Variants in CNTN4 observed in about 807,000 individuals in gnomAD.
CNTN4 encodes the protein contactin 4, also known as contactin-4.
Under a neutral mutation model 122.5 loss-of-function variants are expected in CNTN4, and 77 were observed. The ratio of observed to expected loss-of-function variants is 0.63; its 90% CI spans 0.52 to 0.76. The LOEUF is 0.76. Among genes scored for constraint, CNTN4 ranks in the 30% least tolerant of loss-of-function variants. CNTN4 has a pLI of 0.00. For missense variants in CNTN4, 1,256 were observed against 1,259.1 expected (o/e 1.00, Z 0.04); for synonymous variants, 512 against 447.0 (o/e 1.15, Z -1.83).
intron 2 of CNTN4, among the ~76,000 whole-genome samples, chr3:2,298,797 T>C (rs550742731): frequency 2.6e-5 from 4 of 151,984 alleles, no homozygotes; most frequent in South Asian, 4.2e-4. Flanking sequence ...GGAATGAGTA[T>C]TGTTTTAAAA....
At chr3:2,542,074 G>A (rs2078052393) in intron 3 of CNTN4, among the ~76,000 whole-genome samples, 1 of 152,098 alleles carries the variant, frequency 6.6e-6, no homozygotes, top group Non-Finnish European at 1.5e-5. Context: ...CTTTGGGTCA[G>A]TAGCACAGTG....
At chr3:2,788,310 C>T (rs2091904225) in intron 6 of CNTN4, among the ~76,000 whole-genome samples, 1 of 152,132 alleles carries the variant, frequency 6.6e-6, no homozygotes, top group African/African-American at 2.4e-5. Context: ...TTCCATTTTG[C>T]AGACACCCAC....
intron 2 of CNTN4, among the ~76,000 whole-genome samples, chr3:2,187,661 A>G (rs781725146): frequency 6.6e-6 from 1 of 152,186 alleles, no homozygotes; most frequent in Non-Finnish European, 1.5e-5. Context: ...TATCGACTAC[A>G]TGCAGAGATG....
intron 7 of CNTN4, among the ~76,000 whole-genome samples, chr3:2,840,453 C>T (rs1158582287): frequency 6.6e-6 from 1 of 150,758 alleles, no homozygotes; most frequent in Non-Finnish European, 1.5e-5. Context: ...GTCATCCCAG[C>T]ACTTTGGGAG....
chr3:2,512,069 G>A (rs939761842), intron 3 of CNTN4, among the ~76,000 whole-genome samples: 13 of 152,076 alleles, frequency 8.5e-5, no homozygotes, highest in Non-Finnish European at 1.5e-5. Context: ...ATCTTTATAT[G>A]CATGCCTGTA....
chr3:2,174,774 C>T (rs2036677253), intron 2 of CNTN4, among the ~76,000 whole-genome samples: 1 of 152,184 alleles, frequency 6.6e-6, no homozygotes, highest in Non-Finnish European at 1.5e-5. Flanking sequence ...ATCTGCTCAG[C>T]TTCTGGAGAG....
At chr3:2,767,589 T>TGGGGC (rs1396540310) in intron 6 of CNTN4, among the ~76,000 whole-genome samples, 2 of 152,122 alleles carry the variant, frequency 1.3e-5, no homozygotes, top group African/African-American at 4.8e-5. Flanking sequence ...TGACAGACAA[T>TGGGGC]AGAGATAACA....
At chr3:2,292,863 A>C (rs1201153002) in intron 2 of CNTN4, among the ~76,000 whole-genome samples, 1 of 152,254 alleles carries the variant, frequency 6.6e-6, no homozygotes, top group African/African-American at 2.4e-5. Context: ...TAAAACAGTT[A>C]TGAATATCTG....
intron 3 of CNTN4, among the ~76,000 whole-genome samples, chr3:2,457,939 T>G (rs2049060453): frequency 6.6e-6 from 1 of 152,154 alleles, no homozygotes; most frequent in South Asian, 2.1e-4. Flanking sequence ...AAATGAGATT[T>G]TGACCACCTC....
chr3:2,541,172 C>T (rs35020225), intron 3 of CNTN4, among the ~76,000 whole-genome samples: 13,984 of 152,122 alleles, frequency 0.092, 850 homozygotes, highest in Non-Finnish European at 0.14. Flanking sequence ...ATTTTGTAAA[C>T]TCTTAAGTAT....
chr3:2,865,053 G>A (rs2093709730), intron 7 of CNTN4, among the ~76,000 whole-genome samples: 1 of 152,094 alleles, frequency 6.6e-6, no homozygotes. Context: ...ATGTATTATA[G>A]GGGCTTTTCC....
intron 6 of CNTN4, among the ~76,000 whole-genome samples, chr3:2,775,110 A>G (rs2091263946): frequency 6.6e-6 from 1 of 152,238 alleles, no homozygotes; most frequent in African/African-American, 2.4e-5. Context: ...TTTGCATCTT[A>G]AAGGCATTAA....
chr3:2,438,497 A>G (rs929791271), intron 3 of CNTN4, among the ~76,000 whole-genome samples: 2 of 152,342 alleles, frequency 1.3e-5, no homozygotes, highest in East Asian at 1.9e-4. Flanking sequence ...ACTCCAGCCC[A>G]GGTGAAAGAG....
chr3:2,205,796 G>A (rs962993928), intron 2 of CNTN4, among the ~76,000 whole-genome samples: 1 of 146,272 alleles, frequency 6.8e-6, no homozygotes, highest in Non-Finnish European at 1.5e-5. Context: ...AAAAACAGCT[G>A]TTTGTTTTTT....
chr3:2,569,103 T>A (rs976573505), intron 3 of CNTN4, among the ~76,000 whole-genome samples: 4 of 152,166 alleles, frequency 2.6e-5, no homozygotes, highest in African/African-American at 9.6e-5. Context: ...CATATCCAAT[T>A]AGAGATACGG....
At chr3:2,290,408 T>G (rs1399322989) in intron 2 of CNTN4, among the ~76,000 whole-genome samples, 1 of 152,164 alleles carries the variant, frequency 6.6e-6, no homozygotes, top group Non-Finnish European at 1.5e-5. Context: ...ATTCATATCT[T>G]TACATTTATA....
intron 3 of CNTN4, among the ~76,000 whole-genome samples, chr3:2,498,847 T>G (rs375618754): frequency 6.6e-6 from 1 of 151,980 alleles, no homozygotes; most frequent in Admixed American, 6.6e-5. Flanking sequence ...AGGAGTGCAG[T>G]GGTGTGATCT....
intron 4 of CNTN4, among the ~76,000 whole-genome samples, chr3:2,620,812 C>G (rs1467904334): frequency 1.3e-5 from 2 of 152,136 alleles, no homozygotes; most frequent in Non-Finnish European, 2.9e-5. Context: ...CTTCCTTTGA[C>G]ACAAAGCACT....
intron 14 of CNTN4, among the ~76,000 whole-genome samples, chr3:2,999,784 A>C (rs1158389370): frequency 6.6e-6 from 1 of 152,322 alleles, no homozygotes; most frequent in African/African-American, 2.4e-5. Context: ...ATTATGTTTC[A>C]ACATGAATTT....
Sources: allele counts gnomAD v4.1 joint callset (sites outside exome capture counted in the v4.1 genomes callset), GRCh38; gene constraint gnomAD v4.1.1; transcripts MANE v1.5; gene names NCBI Gene and HGNC (gene_info 2026-07-23, HGNC 2026-07-21).